The following SDC2 variants were observed in gnomAD, a reference collection of about 807,000 sequenced individuals.
SDC2 encodes the protein syndecan 2, also known as syndecan-2.
A neutral mutation model predicts 22.2 loss-of-function variants in SDC2; 13 were observed. The observed-to-expected ratio is 0.59, with a 90% confidence interval of 0.38 to 0.93. The LOEUF (loss-of-function observed/expected upper bound fraction) is 0.93. Ranked by LOEUF, SDC2 falls within the 40% of genes least tolerant of loss-of-function variation. The pLI is 0.00. For missense variants in SDC2, 235 were observed against 246.8 expected (o/e 0.95, Z 0.32); for synonymous variants, 94 against 92.8 (o/e 1.01, Z -0.07).
At chr8:96,524,897 G>C (rs1813554297) in intron 1 of SDC2, among the ~76,000 whole-genome samples, 1 of 152,116 alleles carries the variant, frequency 6.6e-6, no homozygotes, top group South Asian at 2.1e-4. Flanking sequence ...CTCAATCTTG[G>C]GAAGATGTGG....
At chr8:96,579,452 T>C (rs1299876879) in intron 1 of SDC2, among the ~76,000 whole-genome samples, 1 of 152,258 alleles carries the variant, frequency 6.6e-6, no homozygotes, top group African/African-American at 2.4e-5. Context: ...CAGAATAATA[T>C]ATCTACCATA....
At position 96,576,374 on chromosome 8, in the gene SDC2, G is replaced by GTTTTTTTTTTTTT. The variant is rs1225034584; in HGVS notation, c.61-17102_61-17101insTTTTTTTTTTTTT. ...GTTCAATAATTGGTAGTTTGTTTTT[G>GTTTTTTTTTTTTT]TTTTGTTTTGTTTTTTTTTACCAGA... On this transcript the variant is annotated intron_variant, in intron 1 of 4. Transcript: ENST00000302190. 2.4e-3 allele frequency among the ~76,000 whole-genome samples: 96 copies of GTTTTTTTTTTTTT among 40,598 alleles called. 15 individuals carry two copies. The highest frequency in any genetic ancestry group is 0.019 in the Middle Eastern group (1 of 52). The allele number at this position is 40,598 out of a possible 152,430, so 26.6% of individuals were successfully genotyped here.
chr8:96,494,376 G>GT (rs1381511495), intron 1 of SDC2, 45 bp downstream of exon 1: 10 of 1,527,512 alleles, frequency 6.5e-6, no homozygotes, highest in Admixed American at 2.0e-5. Context: ...TAGGGTGTTT[G>GT]AAGCTACGAG....
At position 96,609,533 on chromosome 8, in the gene SDC2, G is replaced by C. The variant is rs776665544; in HGVS notation, c.591G>C (p.Lys197Asn). The stretch of plus-strand genomic sequence containing the variant: ...CTGCTTATCAGAAGGCACCTACTAA[G>C]GAGTTTTATGCGTAAAACTCCAACT... Reference protein sequence around the residue: ...SSAAYQKAPTKEFYA With the variant: ...SSAAYQKAPTNEFYA The change falls in exon 5 of 5, where the codon AAG becomes AAC. Residue 197 changes from lysine to asparagine, a missense_variant. Lys to Asn is a moderately conservative substitution (Grantham distance 94, BLOSUM62 0). Coordinates refer to ENST00000302190, the MANE Select transcript of SDC2 (RefSeq NM_002998.4). 16 of 1,593,700 alleles carry C rather than the reference G, an allele frequency of 1.0e-5. No homozygotes were observed. The highest frequency in any genetic ancestry group is 8.5e-7 in the Non-Finnish European group (1 of 1,170,250).
rs538785901 is a variant in SDC2, at chr8:96,595,998, C to T, written c.172+2407C>T. 2.6e-5 allele frequency among the ~76,000 whole-genome samples: 4 copies of T among 152,306 alleles called. No homozygotes were observed. The East Asian group carries it at 7.7e-4, about 29-fold the overall frequency. ...ACACTGAGCTGGGAGTGTTGTTTTTCAGCATGAAGCAGCAGTACTTGTAAC... is the reference window on the plus strand; with the variant it reads ...ACACTGAGCTGGGAGTGTTGTTTTTTAGCATGAAGCAGCAGTACTTGTAAC... On this transcript the variant is annotated intron_variant, in intron 2 of 4. Coordinates refer to ENST00000302190, the MANE Select transcript of SDC2 (RefSeq NM_002998.4).
At chr8:96,533,048 G>A (rs184703041) in intron 1 of SDC2, among the ~76,000 whole-genome samples, 24 of 152,288 alleles carry the variant, frequency 1.6e-4, no homozygotes, top group Admixed American at 5.9e-4. Flanking sequence ...TGTTCCTTCT[G>A]ATGTTTAGAT....
At chr8:96,553,718 T>C (rs950572337) in intron 1 of SDC2, among the ~76,000 whole-genome samples, 1 of 152,140 alleles carries the variant, frequency 6.6e-6, no homozygotes, top group Non-Finnish European at 1.5e-5. Flanking sequence ...CTTCAGAATA[T>C]TGCCTTTAGA....
At position 96,576,368 on chromosome 8, in the gene SDC2, G is replaced by GTTTTTTTTTTTTTTTTTTTTTTTTTTTTT. The variant is rs1481198542; in HGVS notation, c.61-17107_61-17106insTTTTTTTTTTTTTTTTTTTTTTTTTTTTT. ...ACATAAGTTCAATAATTGGTAGTTT[G>GTTTTTTTTTTTTTTTTTTTTTTTTTTTTT]TTTTTGTTTTGTTTTGTTTTTTTTT... On this transcript the variant is annotated intron_variant, in intron 1 of 4. Transcript: ENST00000302190. 1.2e-4 allele frequency among the ~76,000 whole-genome samples: 2 copies of GTTTTTTTTTTTTTTTTTTTTTTTTTTTTT among 16,598 alleles called. 1 individual carries two copies. Among genetic ancestry groups the GTTTTTTTTTTTTTTTTTTTTTTTTTTTTT allele is most frequent in the African/African-American group, 2.5e-4 (2 of 8,010 alleles). 10.9% of individuals were successfully genotyped at this position (16,598 alleles called of 152,430 possible).
At chr8:96,521,618 A>C (rs146286204) in intron 1 of SDC2, among the ~76,000 whole-genome samples, 1 of 152,224 alleles carries the variant, frequency 6.6e-6, no homozygotes, top group Non-Finnish European at 1.5e-5. Flanking sequence ...TGTCAAAAAA[A>C]TATGTCTATT....
At chr8:96,551,448 A>T (rs1275222790) in intron 1 of SDC2, among the ~76,000 whole-genome samples, 1 of 152,160 alleles carries the variant, frequency 6.6e-6, no homozygotes. Flanking sequence ...ATTTTAAGTC[A>T]TTGAATCCTC....
intron 1 of SDC2, among the ~76,000 whole-genome samples, chr8:96,524,369 G>A (rs1188361953): frequency 2.0e-5 from 3 of 152,172 alleles, no homozygotes; most frequent in Non-Finnish European, 4.4e-5. Context: ...GTGCAGCTCC[G>A]ATCAGCTTGG....
In SDC2 at chr8:96,602,480, G is replaced by C. The variant is rs1815007115; in HGVS notation, c.258G>C (p.Val86=). 2 of 1,614,172 alleles carry C rather than the reference G, an allele frequency of 1.2e-6. No homozygotes were observed. The highest frequency in any genetic ancestry group is 2.7e-5 in the African/African-American group (2 of 75,040). The stretch of plus-strand genomic sequence containing the variant: ...TGTTGACTAGTGCTGCTCCAAAAGT[G>C]GAAACCACGACGCTGAATATACAGA... ...KILLTSAAPK[V]ETTTLNIQNK... The change falls in exon 3 of 5, where the codon GTG becomes GTC. Residue 86 remains valine, a synonymous_variant. Coordinates refer to ENST00000302190, the MANE Select transcript of SDC2 (RefSeq NM_002998.4).
intron 1 of SDC2, among the ~76,000 whole-genome samples, chr8:96,533,956 G>T (rs147240951): frequency 6.6e-6 from 1 of 152,172 alleles, no homozygotes; most frequent in Non-Finnish European, 1.5e-5. Context: ...CCTGCCCCGC[G>T]GGGAGGCAGC....
Position 96,494,093 on chromosome 8 carries a change from G to A in SDC2, c.-179G>A. 3.4e-6 allele frequency: 2 copies of A among 590,686 alleles called. No homozygotes were observed. Among genetic ancestry groups the A allele is most frequent in the South Asian group, 4.4e-5 (2 of 45,162 alleles). The allele number at this position is 590,686 out of a possible 1,614,324, so 36.6% of individuals were successfully genotyped here. A position where few individuals can be genotyped will look rare whatever the true frequency, so the allele number is the denominator to read the frequency against. ...GCGCAGCTGCGGGCGGCGGGAGCAGGCGCAGGAGGAGGAAGCGAGCGCCCC... is the reference window on the plus strand; with the variant it reads ...GCGCAGCTGCGGGCGGCGGGAGCAGACGCAGGAGGAGGAAGCGAGCGCCCC... On this transcript the variant is annotated 5_prime_UTR_variant, in exon 1 of 5. Coordinates refer to ENST00000302190, the MANE Select transcript of SDC2 (RefSeq NM_002998.4).
At chr8:96,555,875 A>G (rs1814100575) in intron 1 of SDC2, among the ~76,000 whole-genome samples, 1 of 152,156 alleles carries the variant, frequency 6.6e-6, no homozygotes, top group South Asian at 2.1e-4. Flanking sequence ...TGTTTGTTTC[A>G]GGGAAGGTTT....
intron 2 of SDC2, among the ~76,000 whole-genome samples, chr8:96,601,844 C>T (rs959724674): frequency 1.3e-5 from 2 of 151,578 alleles, no homozygotes; most frequent in African/African-American, 2.4e-5. Context: ...ACTGCAACCT[C>T]CACCTCCAGG....
intron 1 of SDC2, among the ~76,000 whole-genome samples, chr8:96,506,359 C>G (rs1441758212): frequency 6.6e-6 from 1 of 152,064 alleles, no homozygotes; most frequent in East Asian, 1.9e-4. Flanking sequence ...TCTTTGGGGT[C>G]TTAAAAGTGA....
chr8:96,494,767 C>G (rs1272190767), intron 1 of SDC2, among the ~76,000 whole-genome samples: 2 of 152,202 alleles, frequency 1.3e-5, no homozygotes, highest in South Asian at 2.1e-4. Context: ...GTCCCTTCCT[C>G]CGCACACCAT....
At chr8:96,495,616 A>G (rs560135404) in intron 1 of SDC2, among the ~76,000 whole-genome samples, 1 of 152,328 alleles carries the variant, frequency 6.6e-6, no homozygotes, top group South Asian at 2.1e-4. Flanking sequence ...GTCTTTTCAA[A>G]GACAAATTAT....
Sources: allele counts gnomAD v4.1 joint callset (sites outside exome capture counted in the v4.1 genomes callset), GRCh38; gene constraint gnomAD v4.1.1; transcripts MANE v1.5; gene names NCBI Gene and HGNC (gene_info 2026-07-23, HGNC 2026-07-21).